RP1: variants seen among roughly 807,000 people sequenced by gnomAD.
RP1 encodes oxygen-regulated protein 1.
A neutral mutation model predicts 14.8 loss-of-function variants in RP1; 16 were observed. The observed-to-expected ratio is 1.08, with a 90% CI of 0.73 to 1.65. RP1 has a LOEUF of 1.65. Among genes scored for constraint, RP1 ranks in the 40% most tolerant of loss-of-function variants. RP1 has a pLI of 0.00. For synonymous variants in RP1, 876 were observed against 883.6 expected (o/e 0.99, Z 0.15); for missense variants, 2,631 against 2,535.0 (o/e 1.04, Z -0.81).
intron 1 of RP1, among the ~76,000 whole-genome samples, chr8:54,586,995 C>T (rs1187623335): frequency 6.6e-6 from 1 of 152,220 alleles, no homozygotes; most frequent in Non-Finnish European, 1.5e-5. Context: ...GCACTGCACC[C>T]ACTGTCCTGC....
At chr8:54,621,780 C>T (rs1338017968) in intron 2 of RP1, among the ~76,000 whole-genome samples, 199 bp downstream of exon 2, 4 of 152,144 alleles carry the variant, frequency 2.6e-5, no homozygotes, top group Admixed American at 6.5e-5. Context: ...CTCATGCTAC[C>T]TACCCCTTTC....
At chr8:54,577,365 C>A (rs969272761) in intron 1 of RP1, among the ~76,000 whole-genome samples, 1 of 152,112 alleles carries the variant, frequency 6.6e-6, no homozygotes. Context: ...AAACAACTGC[C>A]TATTTTTGGT....
At chr8:54,856,594 G>T (rs1025085527) in intron 26 of RP1, among the ~76,000 whole-genome samples, 2 of 152,186 alleles carry the variant, frequency 1.3e-5, no homozygotes, top group Non-Finnish European at 2.9e-5. Flanking sequence ...GGGACAAGTA[G>T]CTTAACTCTA....
At chr8:54,693,737 C>G (rs1336822247) in intron 12 of RP1, among the ~76,000 whole-genome samples, 1 of 152,148 alleles carries the variant, frequency 6.6e-6, no homozygotes, top group Non-Finnish European at 1.5e-5. Flanking sequence ...ATGGGGTTTT[C>G]TAGATATACA....
intron 1 of RP1, among the ~76,000 whole-genome samples, chr8:54,602,668 T>A (rs1358481588): frequency 2.0e-5 from 3 of 152,194 alleles, no homozygotes; most frequent in African/African-American, 7.2e-5. Context: ...GTAAAAGTGT[T>A]CCTATTTCTC....
intron 24 of RP1, among the ~76,000 whole-genome samples, chr8:54,803,054 C>T (rs927430727): frequency 6.6e-6 from 1 of 152,030 alleles, no homozygotes; most frequent in Non-Finnish European, 1.5e-5. Flanking sequence ...AATTCTCAAA[C>T]TCAGTCACAG....
chr8:54,709,713 A>G (rs2129346195), intron 15 of RP1, among the ~76,000 whole-genome samples: 1 of 152,300 alleles, frequency 6.6e-6, no homozygotes, highest in East Asian at 1.9e-4. Flanking sequence ...TAAGCACACC[A>G]TAGCTAGGTT....
intron 23 of RP1, among the ~76,000 whole-genome samples, chr8:54,778,555 C>T (rs186125215): frequency 4.8e-4 from 73 of 152,086 alleles, no homozygotes; most frequent in Middle Eastern, 3.4e-3. Flanking sequence ...GAACTCCTGA[C>T]CTTGTGATCC....
chr8:54,765,713 A>T (rs1354362333), intron 22 of RP1, among the ~76,000 whole-genome samples: 1 of 152,030 alleles, frequency 6.6e-6, no homozygotes, highest in African/African-American at 2.4e-5. Flanking sequence ...TGAAATTCTT[A>T]TCCCTCAAGG....
downstream of RP1, among the ~76,000 whole-genome samples, chr8:54,631,528 T>C (rs1806245397): frequency 6.6e-6 from 1 of 152,046 alleles, no homozygotes; most frequent in Admixed American, 6.5e-5. Context: ...GTGGCTTTAT[T>C]ACTTCCCCTG....
intron 22 of RP1, among the ~76,000 whole-genome samples, chr8:54,765,731 TA>T (rs1198073443): frequency 1.3e-5 from 2 of 152,158 alleles, no homozygotes; most frequent in Admixed American, 1.3e-4. Flanking sequence ...AGGCCCAGGA[TA>T]AAATGTTATC....
At chr8:54,687,703 T>C (rs1358112702) in intron 12 of RP1, among the ~76,000 whole-genome samples, 3 of 152,196 alleles carry the variant, frequency 2.0e-5, no homozygotes, top group Admixed American at 2.0e-4. Context: ...CTTTATCAAG[T>C]CTATCATTGA....
At chr8:54,581,134 T>G (rs1804782918) in intron 1 of RP1, among the ~76,000 whole-genome samples, 1 of 152,156 alleles carries the variant, frequency 6.6e-6, no homozygotes, top group African/African-American at 2.4e-5. Context: ...TAGGTATATC[T>G]CCTAATGCTA....
chr8:54,673,788 A>G (rs1807233779), intron 7 of RP1: 4 of 1,322,556 alleles, frequency 3.0e-6, no homozygotes, highest in East Asian at 2.5e-5. Flanking sequence ...ATCTTAATTT[A>G]TACTATTGGT....
chr8:54,669,027 G>C (rs906062390), intron 7 of RP1, among the ~76,000 whole-genome samples: 1 of 152,100 alleles, frequency 6.6e-6, no homozygotes, highest in African/African-American at 2.4e-5. Context: ...ATAGACAAAT[G>C]GGATGTAATT....
chr8:54,651,090 G>T (rs1806647717), intron 4 of RP1, among the ~76,000 whole-genome samples: 1 of 151,798 alleles, frequency 6.6e-6, no homozygotes, highest in African/African-American at 2.4e-5. Context: ...TTTTATTTAC[G>T]TGGTATATTA....
chr8:54,724,243 A>C (rs551587587), intron 16 of RP1, among the ~76,000 whole-genome samples: 1 of 152,240 alleles, frequency 6.6e-6, no homozygotes, highest in African/African-American at 2.4e-5. Flanking sequence ...AAAATAGACT[A>C]TATGGGTTTA....
downstream of RP1, among the ~76,000 whole-genome samples, chr8:54,631,828 G>A (rs1426502164): frequency 6.7e-6 from 1 of 150,090 alleles, no homozygotes; most frequent in East Asian, 2.0e-4. Flanking sequence ...GTTTTCATGT[G>A]AGGAAGAAGG....
At chr8:54,853,754 G>GAGAGAAAGAAAGAA (rs1812111556) in intron 26 of RP1, among the ~76,000 whole-genome samples, 1 of 142,028 alleles carries the variant, frequency 7.0e-6, no homozygotes. Context: ...GAAAGAAAGA[G>GAGAGAAAGAAAGAA]AGAGAGAAAG....
Sources: gnomAD v4.1 joint callset for allele counts (sites outside exome capture counted in the v4.1 genomes callset) on GRCh38, gnomAD v4.1.1 for gene constraint, MANE v1.5 for transcripts, NCBI Gene and HGNC (gene_info 2026-07-23, HGNC 2026-07-21) for gene names.